Variants in COTL1 observed in about 807,000 individuals in gnomAD.
The protein encoded by COTL1 is coactosin like F-actin binding protein 1, also known as coactosin-like protein.
A neutral mutation model predicts 16.5 loss-of-function variants in COTL1; 15 were observed. That is an observed-to-expected ratio of 0.91 (90% CI 0.61 to 1.40). The LOEUF (loss-of-function observed/expected upper bound fraction) is 1.40. Among genes scored for constraint, COTL1 ranks in the 40% most tolerant of loss-of-function variants. The pLI is 0.00. For missense variants in COTL1, 220 were observed against 201.5 expected (o/e 1.09, Z -0.56); for synonymous variants, 112 against 85.3 (o/e 1.31, Z -1.73).
Position 84,565,878 on chromosome 16 carries a change from C to T in COTL1, c.*967G>A, listed in dbSNP as rs1414919965. Reference sequence around the variant, plus strand: ...AGGGCTTTGCTCAGCTCACAGCTAGCGCGGCGGGCAGAGCAACCCTTCGGC... The same window carrying T: ...AGGGCTTTGCTCAGCTCACAGCTAGTGCGGCGGGCAGAGCAACCCTTCGGC... On this transcript the variant is annotated 3_prime_UTR_variant, in exon 4 of 4. Coordinates refer to ENST00000262428, the MANE Select transcript of COTL1 (RefSeq NM_021149.5). 2 of 152,294 alleles carry T rather than the reference C, an allele frequency of 1.3e-5. No homozygotes were observed. The highest frequency in any genetic ancestry group is 2.9e-5 in the Non-Finnish European group (2 of 68,078). The allele number at this position is 152,294 out of a possible 1,614,324, so 9.4% of individuals were successfully genotyped here.
At chr16:84,605,699 G>A (rs1905198742) in intron 2 of COTL1, among the ~76,000 whole-genome samples, 1 of 152,218 alleles carries the variant, frequency 6.6e-6, no homozygotes, top group Non-Finnish European at 1.5e-5. Context: ...GCACAAGAAG[G>A]CAAGAAAATG....
At chr16:84,615,240 T>C (rs1176662222) in intron 2 of COTL1, among the ~76,000 whole-genome samples, 1 of 152,230 alleles carries the variant, frequency 6.6e-6, no homozygotes, top group Non-Finnish European at 1.5e-5. Context: ...GAAGCTCCCA[T>C]GGCCCATTCA....
intron 2 of COTL1, chr16:84,616,413 G>C (rs1045563179): frequency 2.0e-5 from 3 of 152,190 alleles, no homozygotes; most frequent in Non-Finnish European, 2.9e-5. Flanking sequence ...TGAGGCAGGA[G>C]AATCTCTTGA....
At chr16:84,581,164 A>AGGTATGTATGTATGTATGT (rs1391540848) in intron 3 of COTL1, among the ~76,000 whole-genome samples, 4 of 146,910 alleles carry the variant, frequency 2.7e-5, no homozygotes, top group Non-Finnish European at 6.0e-5. Context: ...CAAACAAATA[A>AGGTATGTATGTATGTATGT]ATATATGTAT....
intron 3 of COTL1, among the ~76,000 whole-genome samples, chr16:84,574,397 G>A (rs117511209): frequency 0.013 from 2,017 of 152,318 alleles, 21 homozygotes; most frequent in African/African-American, 0.025. Context: ...ACCTGTGGCT[G>A]AAGAAAGCTC....
At chr16:84,575,807 G>A (rs1904441428) in intron 3 of COTL1, 2 of 152,262 alleles carry the variant, frequency 1.3e-5, no homozygotes, top group Admixed American at 1.3e-4. Context: ...CTGAGCCTGA[G>A]TCTCCTCATC....
chr16:84,580,728 C>T (rs1288092310), intron 3 of COTL1, among the ~76,000 whole-genome samples: 1 of 152,208 alleles, frequency 6.6e-6, no homozygotes, highest in Admixed American at 6.5e-5. Context: ...ATATTGGGGT[C>T]AGTACAGCCC....
intron 3 of COTL1, among the ~76,000 whole-genome samples, chr16:84,579,458 A>G (rs1429662161): frequency 1.7e-5 from 2 of 118,332 alleles, no homozygotes; most frequent in Non-Finnish European, 3.2e-5. Context: ...CTGCACTCCA[A>G]GCCTCGGTGA....
Position 84,590,395 on chromosome 16 carries a change from A to G in COTL1, c.161-133T>C, listed in dbSNP as rs2150687898. 5.0e-6 allele frequency: 5 copies of G among 1,000,626 alleles called. No homozygotes were observed. The highest frequency in any genetic ancestry group is 7.3e-6 in the Non-Finnish European group (5 of 686,972). The allele number at this position is 1,000,626 out of a possible 1,614,324, so 62.0% of individuals were successfully genotyped here. A position where few individuals can be genotyped will look rare whatever the true frequency, so the allele number is the denominator to read the frequency against. ...GAGACCGGTGCAGTTCCCTGGGAGC[A>G]CCATGTGCAGAGGACAGGAGGGAAG... On this transcript the variant is annotated intron_variant, in intron 2 of 3. Coordinates refer to ENST00000262428, the MANE Select transcript of COTL1 (RefSeq NM_021149.5). This position sits in a 1 kb window ranked among gnomAD's most constrained non-coding sequence, Gnocchi z 5.5.
intron 3 of COTL1, among the ~76,000 whole-genome samples, chr16:84,572,678 T>C (rs142388209): frequency 1.9e-3 from 289 of 152,238 alleles, no homozygotes; most frequent in African/African-American, 6.7e-3. Flanking sequence ...CCCAGGCTGG[T>C]CTCCAACTCC....
chr16:84,612,343 C>G (rs1351142051), intron 2 of COTL1, among the ~76,000 whole-genome samples: 1 of 152,140 alleles, frequency 6.6e-6, no homozygotes, highest in Non-Finnish European at 1.5e-5. Flanking sequence ...AGACCCGGGC[C>G]AAGGGTCTAA....
At chr16:84,603,646 A>C (rs1905148149) in intron 2 of COTL1, among the ~76,000 whole-genome samples, 1 of 152,090 alleles carries the variant, frequency 6.6e-6, no homozygotes, top group Admixed American at 6.5e-5. Flanking sequence ...ATGGCAACAG[A>C]CTATGAAGCG....
intron 2 of COTL1, among the ~76,000 whole-genome samples, chr16:84,600,023 G>C (rs1905078386): frequency 6.6e-6 from 1 of 152,196 alleles, no homozygotes; most frequent in Admixed American, 6.5e-5. Flanking sequence ...GTCTGTAAGA[G>C]GGAGGGGGCC....
chr16:84,598,810 C>T (rs1285096253), intron 2 of COTL1, among the ~76,000 whole-genome samples: 1 of 137,886 alleles, frequency 7.3e-6, no homozygotes, highest in Non-Finnish European at 1.6e-5. Context: ...GCGGCGGGGA[C>T]CAAGCGGCAG....
intron 3 of COTL1, among the ~76,000 whole-genome samples, chr16:84,579,114 T>A (rs1567532287): frequency 6.6e-6 from 1 of 151,976 alleles, no homozygotes; most frequent in Non-Finnish European, 1.5e-5. Flanking sequence ...CACACCACCA[T>A]ACAGAGGTGT....
In COTL1 at chr16:84,565,654, C is replaced by G. The variant is rs1466204528; in HGVS notation, c.*1191G>C. 6.6e-6 allele frequency: 1 copy of G among 152,482 alleles called. No individual in the cohort carries two copies. Among genetic ancestry groups the G allele is most frequent in the African/African-American group, 2.4e-5 (1 of 41,424 alleles). The allele number at this position is 152,482 out of a possible 1,614,324, so 9.4% of individuals were successfully genotyped here. On this transcript the variant is annotated 3_prime_UTR_variant, in exon 4 of 4. Coordinates refer to ENST00000262428, the MANE Select transcript of COTL1 (RefSeq NM_021149.5). ...TAAACTGTCTGAGTGCAGAGATGTTCTTTACAATCCCAATACAGTACAGAT... is the reference window on the plus strand; with the variant it reads ...TAAACTGTCTGAGTGCAGAGATGTTGTTTACAATCCCAATACAGTACAGAT...
chr16:84,610,579 G>A, intron 2 of COTL1, among the ~76,000 whole-genome samples: 1 of 152,200 alleles, frequency 6.6e-6, no homozygotes, highest in East Asian at 1.9e-4. Context: ...TGAGTCACAA[G>A]GGCCCTTGAA....
At chr16:84,592,773 G>T (rs1386735675) in intron 2 of COTL1, among the ~76,000 whole-genome samples, 1 of 152,110 alleles carries the variant, frequency 6.6e-6, no homozygotes, top group Non-Finnish European at 1.5e-5. Flanking sequence ...TCTCAAAACC[G>T]GAGGGGGTAA....
Position 84,573,475 on chromosome 16 carries a change from T to C in COTL1, c.319-6520A>G, listed in dbSNP as rs368684957. On this transcript the variant is annotated intron_variant, in intron 3 of 3. Transcript: ENST00000262428. ...GTGGTGGCTTCAAAGGTATGCATCA[T>C]GAACATTCAAAATACACAAAACTTG... Among the ~76,000 whole-genome samples the C allele has an allele frequency of 2.0e-5, 3 of 152,338 alleles. No individual in the cohort carries two copies. The East Asian group carries it at 5.8e-4, about 29-fold the overall frequency.
Sources: gnomAD v4.1 joint callset for allele counts (sites outside exome capture counted in the v4.1 genomes callset) on GRCh38, gnomAD v4.1.1 for gene constraint, Gnocchi (gnomAD v3.1) non-coding constraint, MANE v1.5 for transcripts, NCBI Gene and HGNC (gene_info 2026-07-23, HGNC 2026-07-21) for gene names.